The following PKP4 variants were observed in gnomAD, a reference collection of about 807,000 sequenced individuals.
PKP4 encodes plakophilin-4.
In PKP4, 90 loss-of-function variants were observed where a neutral mutation model predicts 145.1. The observed-to-expected ratio is 0.62, with a 90% CI of 0.52 to 0.74. PKP4 has a LOEUF of 0.74. Ranked by LOEUF, PKP4 falls within the 30% of genes least tolerant of loss-of-function variation. PKP4 has a pLI of 0.00. For synonymous variants in PKP4, 563 were observed against 577.2 expected (o/e 0.98, Z 0.35); for missense variants, 1,340 against 1,482.7 (o/e 0.90, Z 1.58).
intron 1 of PKP4, among the ~76,000 whole-genome samples, chr2:158,517,942 A>G (rs2042064196): frequency 6.6e-6 from 1 of 152,112 alleles, no homozygotes; most frequent in African/African-American, 2.4e-5. Flanking sequence ...AAAATAAGAT[A>G]ATTTTGTACA....
intron 4 of PKP4, among the ~76,000 whole-genome samples, chr2:158,620,385 T>C (rs547000720): frequency 6.6e-6 from 1 of 152,112 alleles, no homozygotes; most frequent in Admixed American, 6.5e-5. Context: ...AAGAGATGAG[T>C]TTGGCTGGAA....
rs916182133 is a variant in PKP4 at position 158,677,130 on chromosome 2, A to ATCATT, written c.3256+266_3256+270dup. 10 of 436,128 alleles carry ATCATT rather than the reference A, an allele frequency of 2.3e-5. No homozygotes were observed. The Admixed American group carries it at 2.5e-4, about 11-fold the overall frequency. 27.0% of individuals were successfully genotyped at this position (436,128 alleles called of 1,614,324 possible). On this transcript the variant is annotated intron_variant, in intron 20 of 21. Coordinates refer to ENST00000389759, the MANE Select transcript of PKP4 (RefSeq NM_003628.6). ...TAAAAAGAGGGCTGTATCCAAATAA[A>ATCATT]TCATTTCTGGCTGCTCACTGGCACA...
chr2:158,629,810 A>G (rs138147059), intron 7 of PKP4, among the ~76,000 whole-genome samples: 358 of 152,150 alleles, frequency 2.4e-3, no homozygotes, highest in African/African-American at 8.0e-3. Flanking sequence ...CCCCAGATTG[A>G]AGCAGTTCTG....
At chr2:158,678,484 C>A (rs751796040) in intron 20 of PKP4, 97 bp from the exon 21 acceptor site, 44 of 842,432 alleles carry the variant, frequency 5.2e-5, no homozygotes, top group Non-Finnish European at 7.8e-5. Context: ...CAGGCCCTGT[C>A]GGGGACAGTG....
chr2:158,506,028 C>T (rs2040947515), intron 1 of PKP4, among the ~76,000 whole-genome samples: 2 of 152,176 alleles, frequency 1.3e-5, no homozygotes, highest in South Asian at 2.1e-4. Context: ...CCAAGCTATA[C>T]TGTGAAATGT....
chr2:158,528,250 A>G (rs934001513), intron 1 of PKP4, among the ~76,000 whole-genome samples: 3 of 150,620 alleles, frequency 2.0e-5, no homozygotes, highest in Admixed American at 6.7e-5. Flanking sequence ...ATGTCCAACA[A>G]TGATAGACTG....
intron 1 of PKP4, among the ~76,000 whole-genome samples, chr2:158,532,969 A>G (rs1277105453): frequency 6.6e-6 from 1 of 152,196 alleles, no homozygotes; most frequent in East Asian, 1.9e-4. Flanking sequence ...AGACCCCTAT[A>G]GCAATCTAGA....
chr2:158,576,497 C>A (rs1462081060), intron 2 of PKP4, among the ~76,000 whole-genome samples: 1 of 152,114 alleles, frequency 6.6e-6, no homozygotes, highest in Non-Finnish European at 1.5e-5. Context: ...ATGTTTTCTA[C>A]TTACTAAAAT....
At chr2:158,577,489 C>T (rs1328027883) in intron 3 of PKP4, 106 bp downstream of exon 3, 1 of 698,226 alleles carries the variant, frequency 1.4e-6, no homozygotes, top group Non-Finnish European at 2.3e-6. Context: ...TGTTAACTTG[C>T]CTTCCAGAAT....
At position 158,631,906 on chromosome 2, in the gene PKP4, A is replaced by G. The variant is rs758906740; in HGVS notation, c.1307A>G (p.Gln436Arg). The change falls in exon 8 of 22, where the codon CAA (glutamine) becomes CGA (arginine). Residue 436 changes from glutamine (Q) to arginine (R), a missense_variant. Coordinates refer to ENST00000389759, the MANE Select transcript of PKP4 (RefSeq NM_003628.6). The stretch of plus-strand genomic sequence containing the variant: ...CCAAACCATGGAACTGTGGAGCTCC[A>G]AGGATCGCAGACGGCGTTGTATCGC... Reference protein sequence around the residue: ...RSPNHGTVELQGSQTALYRTG... With the variant: ...RSPNHGTVELRGSQTALYRTG... 6.2e-7 allele frequency: 1 copy of G among 1,614,082 alleles called. No individual in the cohort carries two copies. The highest frequency in any genetic ancestry group is 2.2e-5 in the East Asian group (1 of 44,874).
At chr2:158,581,429 A>G (rs966076379) in intron 3 of PKP4, among the ~76,000 whole-genome samples, 69 of 152,196 alleles carry the variant, frequency 4.5e-4, no homozygotes, top group African/African-American at 1.5e-3. Flanking sequence ...TCCTGGTCCA[A>G]AGATGACACT....
At chr2:158,603,853 T>G (rs570874491) in intron 4 of PKP4, among the ~76,000 whole-genome samples, 2 of 152,192 alleles carry the variant, frequency 1.3e-5, no homozygotes, top group African/African-American at 4.8e-5. Flanking sequence ...ACTTTGGCCC[T>G]TTTCAAACAA....
chr2:158,475,181 G>A lies in PKP4; in HGVS notation c.-6+17963G>A, dbSNP rs78364933. 2.6e-3 allele frequency among the ~76,000 whole-genome samples: 402 copies of A among 152,262 alleles called. 5 individuals carry two copies. The highest frequency in any genetic ancestry group is 9.2e-3 in the African/African-American group (382 of 41,548). On this transcript the variant is annotated intron_variant, in intron 1 of 21. Coordinates refer to ENST00000389759, the MANE Select transcript of PKP4 (RefSeq NM_003628.6). ...AGAAGAAAAGTTAGATACTTTTATA[G>A]CTGTCTTAAGGAAGTTCACCTTTCC... is the stretch of plus-strand genomic sequence containing the variant.
intron 2 of PKP4, among the ~76,000 whole-genome samples, chr2:158,562,234 T>C (rs561514380): frequency 6.6e-6 from 1 of 152,328 alleles, no homozygotes; most frequent in East Asian, 1.9e-4. Flanking sequence ...AAGTTGTTTT[T>C]AATGACAAGT....
At chr2:158,583,343 T>C (rs577728059) in intron 3 of PKP4, among the ~76,000 whole-genome samples, 1 of 152,280 alleles carries the variant, frequency 6.6e-6, no homozygotes, top group South Asian at 2.1e-4. Flanking sequence ...CCCTTATGCC[T>C]CCACTCCAAG....
chr2:158,582,619 T>C (rs2048425436), intron 3 of PKP4, among the ~76,000 whole-genome samples: 1 of 152,176 alleles, frequency 6.6e-6, no homozygotes. Context: ...AGATCCACCA[T>C]TCCTGGGGCT....
chr2:158,619,274 C>T (rs2051959855), intron 4 of PKP4, among the ~76,000 whole-genome samples: 1 of 152,252 alleles, frequency 6.6e-6, no homozygotes, highest in Non-Finnish European at 1.5e-5. Context: ...CTGACAGTGA[C>T]TCAGCTCATG....
intron 1 of PKP4, among the ~76,000 whole-genome samples, chr2:158,502,355 C>T (rs774450901): frequency 1.2e-4 from 19 of 152,226 alleles, no homozygotes; most frequent in African/African-American, 4.1e-4. Context: ...TCTTCCTAGT[C>T]GCAGTAGGGG....
At chr2:158,533,998 C>T (rs568162411) in intron 2 of PKP4, among the ~76,000 whole-genome samples, 2 of 151,964 alleles carry the variant, frequency 1.3e-5, no homozygotes, top group Non-Finnish European at 2.9e-5. Context: ...TTTAAAGCTC[C>T]AGGGATGGTT....
Sources: allele counts gnomAD v4.1 joint callset (sites outside exome capture counted in the v4.1 genomes callset), GRCh38; gene constraint gnomAD v4.1.1; transcripts MANE v1.5; gene names NCBI Gene and HGNC (gene_info 2026-07-23, HGNC 2026-07-21).